Variants in RPGRIP1 observed in about 807,000 individuals in gnomAD.
The protein encoded by RPGRIP1 is RPGR interacting protein 1.
A neutral mutation model predicts 157.9 loss-of-function variants in RPGRIP1; 128 were observed. That is an observed-to-expected ratio of 0.81 (90% CI 0.70 to 0.94). The LOEUF is 0.94. RPGRIP1 is among the 40% of genes least tolerant of loss of function. The pLI, the probability that RPGRIP1 is intolerant of heterozygous loss-of-function variation, is 0.00. For missense variants in RPGRIP1, 1,486 were observed against 1,545.8 expected, an observed-to-expected ratio of 0.96 and a Z score of 0.65; for synonymous variants, 554 against 571.6, an observed-to-expected ratio of 0.97 and a Z score of 0.44.
intron 20 of RPGRIP1, among the ~76,000 whole-genome samples, chr14:21,332,506 G>C (rs1476524066): frequency 6.6e-6 from 1 of 152,126 alleles, no homozygotes; most frequent in Non-Finnish European, 1.5e-5. Flanking sequence ...ATATTATTTA[G>C]TCATAAAATA....
chr14:21,341,842 T>A (rs561913924), intron 21 of RPGRIP1, among the ~76,000 whole-genome samples: 7 of 151,758 alleles, frequency 4.6e-5, no homozygotes, highest in African/African-American at 1.7e-4. Flanking sequence ...GATCACGAGG[T>A]CAGGAGATCG....
intron 17 of RPGRIP1, 54 bp from the exon 18 acceptor site, chr14:21,327,569 C>T (rs1451842467): frequency 1.4e-6 from 2 of 1,462,654 alleles, no homozygotes; most frequent in African/African-American, 1.4e-5. Context: ...CTGACAAATG[C>T]TCACTTGCTT....
In RPGRIP1 at chr14:21,305,010, G is replaced by A. The variant is rs570051976; in HGVS notation, c.800+1467G>A. ...GTAGAGACGGGGTTTCACCATGTTAGCCAGGATGGTCTCGATCTCCTGACC... is the reference window on the plus strand; with the variant it reads ...GTAGAGACGGGGTTTCACCATGTTAACCAGGATGGTCTCGATCTCCTGACC... On this transcript the variant is annotated intron_variant, in intron 6 of 24. Transcript: ENST00000400017. Among the ~76,000 whole-genome samples the A allele has an allele frequency of 2.0e-5, 3 of 152,244 alleles. No individual in the cohort carries two copies. In the East Asian group the frequency reaches 5.8e-4, roughly 29 times the overall value.
At chr14:21,291,039 T>C (rs1048673495) in intron 2 of RPGRIP1, among the ~76,000 whole-genome samples, 5 of 152,142 alleles carry the variant, frequency 3.3e-5, no homozygotes, top group Non-Finnish European at 7.4e-5. Context: ...GTTATGGTTT[T>C]GATTTGCATT....
intron 2 of RPGRIP1, among the ~76,000 whole-genome samples, chr14:21,290,150 C>G (rs1281442009): frequency 6.6e-6 from 1 of 152,160 alleles, no homozygotes; most frequent in African/African-American, 2.4e-5. Context: ...AGCCACCACA[C>G]CTGGCCCCTG....
At chr14:21,298,161 G>A (rs535138019) in intron 3 of RPGRIP1, among the ~76,000 whole-genome samples, 1 of 152,070 alleles carries the variant, frequency 6.6e-6, no homozygotes, top group East Asian at 1.9e-4. Context: ...TTCTATCATG[G>A]TTTTGGAGTG....
intron 23 of RPGRIP1, 57 bp downstream of exon 23, chr14:21,345,254 G>A (rs1885448165): frequency 7.5e-7 from 1 of 1,328,042 alleles, no homozygotes; most frequent in South Asian, 1.3e-5. Context: ...AAATTCAAAA[G>A]TTTGAGTTTG....
At chr14:21,329,349 A>G (rs1366459233) in intron 19 of RPGRIP1, among the ~76,000 whole-genome samples, 2 of 152,024 alleles carry the variant, frequency 1.3e-5, no homozygotes, top group Admixed American at 6.6e-5. Context: ...AGCCATAATC[A>G]TAGCTAATTG....
At chr14:21,293,671 G>T (rs528258180) in intron 2 of RPGRIP1, among the ~76,000 whole-genome samples, 1 of 152,150 alleles carries the variant, frequency 6.6e-6, no homozygotes, top group Non-Finnish European at 1.5e-5. Flanking sequence ...AAGGTCAAGA[G>T]ATCGAGACCA....
At chr14:21,304,993 G>A (rs1159080034) in intron 6 of RPGRIP1, among the ~76,000 whole-genome samples, 6 of 151,978 alleles carry the variant, frequency 3.9e-5, no homozygotes, top group Non-Finnish European at 8.8e-5. Context: ...TAGTAGAGAC[G>A]GGGTTTCACC....
Position 21,328,525 on chromosome 14 carries a change from T to G in RPGRIP1, c.2997T>G (p.Val999=). 1 of 1,613,442 alleles carries G rather than the reference T, an allele frequency of 6.2e-7. No individual in the cohort carries two copies. ...GGERKEKEHQ[V]VSYSRRKHGK... ...AAAGAAAGGAGAAGGAGCACCAGGT[T>G]GTGAGCTACTCAAGAAGAAAACATG... The change falls in exon 19 of 25, where the codon GTT becomes GTG. Residue 999 remains valine (V), a synonymous_variant. Transcript: ENST00000400017.
At chr14:21,331,586 A>T (rs1883799340) in intron 20 of RPGRIP1, among the ~76,000 whole-genome samples, 1 of 151,976 alleles carries the variant, frequency 6.6e-6, no homozygotes, top group African/African-American at 2.4e-5. Context: ...ACCCCTTCAA[A>T]TTTTATGCCT....
intron 13 of RPGRIP1, 194 bp downstream of exon 13, chr14:21,321,596 C>A: frequency 8.1e-7 from 1 of 1,231,548 alleles, no homozygotes; most frequent in Non-Finnish European, 1.1e-6. Flanking sequence ...GCACTAGGAG[C>A]CAGTGATGGG....
intron 21 of RPGRIP1, among the ~76,000 whole-genome samples, chr14:21,336,566 T>A (rs1043924540): frequency 6.6e-6 from 1 of 152,178 alleles, no homozygotes; most frequent in Non-Finnish European, 1.5e-5. Flanking sequence ...ACCAGTTAAG[T>A]TTCTCTTTGT....
Position 21,324,942 on chromosome 14 carries a change from A to C in RPGRIP1, c.2087A>C (p.Glu696Ala). Reference protein sequence around the residue: ...TDSLFLHYLQEASARLDIHQA... With the variant: ...TDSLFLHYLQAASARLDIHQA... Reference sequence around the variant, plus strand: ...TCGCTTTTCTTACACTACCTTCAAGAGGCTTCAGCCCGGCTTGACATACAC... The same window carrying C: ...TCGCTTTTCTTACACTACCTTCAAGCGGCTTCAGCCCGGCTTGACATACAC... Residue 696 changes from glutamate to alanine, a missense_variant, in exon 15 of 25, where the codon GAG becomes GCG. Transcript: ENST00000400017. The C allele has an allele frequency of 6.2e-7, 1 of 1,614,026 alleles. No homozygotes were observed. The highest frequency in any genetic ancestry group is 8.5e-7 in the Non-Finnish European group (1 of 1,179,892).
chr14:21,349,679 C>T (rs1026855520), intron 24 of RPGRIP1, among the ~76,000 whole-genome samples: 8 of 152,116 alleles, frequency 5.3e-5, no homozygotes, highest in African/African-American at 1.9e-4. Flanking sequence ...GCTGGGATTA[C>T]AGGCGTGAGC....
chr14:21,285,758 T>C (rs1880277498), intron 1 of RPGRIP1, among the ~76,000 whole-genome samples: 1 of 151,846 alleles, frequency 6.6e-6, no homozygotes, highest in African/African-American at 2.4e-5. Flanking sequence ...TTACAGGCCC[T>C]GGAAAAAAAG....
In RPGRIP1 at chr14:21,287,946, T is replaced by C; in HGVS notation, c.-31T>C. 6.7e-7 allele frequency: 1 copy of C among 1,499,298 alleles called. No individual in the cohort carries two copies. The highest frequency in any genetic ancestry group is 2.3e-5 in the East Asian group (1 of 44,258). The allele number at this position is 1,499,298 out of a possible 1,614,324, so 92.9% of individuals were successfully genotyped here. On this transcript the variant is annotated 5_prime_UTR_variant, in exon 2 of 25. Transcript: ENST00000400017. The stretch of plus-strand genomic sequence containing the variant: ...ACTTTTCCTTTATTTCAGTGTCCTC[T>C]GGGATCTCTTACAGCTTGGGAACAG...
At chr14:21,309,399 C>T (rs1460995768) in intron 7 of RPGRIP1, among the ~76,000 whole-genome samples, 1 of 151,978 alleles carries the variant, frequency 6.6e-6, no homozygotes, top group Non-Finnish European at 1.5e-5. Context: ...GTAGTCCTAG[C>T]TACTATGGAG....
Sources: gnomAD v4.1 joint callset for allele counts (sites outside exome capture counted in the v4.1 genomes callset) on GRCh38, gnomAD v4.1.1 for gene constraint, MANE v1.5 for transcripts, NCBI Gene and HGNC (gene_info 2026-07-23, HGNC 2026-07-21) for gene names.